Variants in PSME4 observed in about 807,000 individuals in gnomAD.
PSME4 encodes proteasome activator subunit 4, also known as proteasome activator complex subunit 4.
In PSME4, 89 loss-of-function variants were observed where a neutral mutation model predicts 253.9. That is an observed-to-expected ratio of 0.35 (90% confidence interval 0.30 to 0.42). PSME4 has a LOEUF of 0.42. Ranked by LOEUF, PSME4 falls within the 10% of genes least tolerant of loss-of-function variation. The pLI is 1.00. For synonymous variants in PSME4, 851 were observed against 759.2 expected, an observed-to-expected ratio of 1.12 and a Z score of -1.99; for missense variants, 2,014 against 2,195.2, an observed-to-expected ratio of 0.92 and a Z score of 1.65.
intron 7 of PSME4, among the ~76,000 whole-genome samples, chr2:53,935,376 G>A (rs981499149): frequency 4.6e-5 from 7 of 152,086 alleles, no homozygotes; most frequent in Admixed American, 2.6e-4. Context: ...AGCAAACAGA[G>A]CATCTGCATC....
At chr2:53,960,730 C>T (rs900726840) in intron 1 of PSME4, among the ~76,000 whole-genome samples, 2 of 152,192 alleles carry the variant, frequency 1.3e-5, no homozygotes, top group Non-Finnish European at 2.9e-5. Flanking sequence ...GATGCTATAA[C>T]TTAACGGTTC....
chr2:53,947,698 T>C (rs12998060), intron 3 of PSME4, among the ~76,000 whole-genome samples: 2 of 60,952 alleles, frequency 3.3e-5, no homozygotes, highest in Admixed American at 3.0e-4. Flanking sequence ...AGAGCGAGAC[T>C]CCATCTCAAA....
chr2:53,881,298 T>A (rs1191904134), intron 41 of PSME4, among the ~76,000 whole-genome samples: 3 of 152,182 alleles, frequency 2.0e-5, no homozygotes, highest in Non-Finnish European at 4.4e-5. Context: ...TTCTCTAAGT[T>A]TTACATATGC....
At chr2:53,895,220 C>CCTG in intron 33 of PSME4, 144 bp from the exon 34 acceptor site, 1 of 648,850 alleles carries the variant, frequency 1.5e-6, no homozygotes, top group South Asian at 2.2e-5. Flanking sequence ...CAGTCTAGGC[C>CCTG]TTAAAAATCT....
chr2:53,940,937 ATAAATATATAT>A lies in PSME4; in HGVS notation c.501-948_501-938del, dbSNP rs1558413450. 6.6e-3 allele frequency among the ~76,000 whole-genome samples: 318 copies of A among 48,536 alleles called. 32 individuals carry two copies. The highest frequency in any genetic ancestry group is 0.023 in the African/African-American group (306 of 13,380). The allele number at this position is 48,536 out of a possible 152,430, so 31.8% of individuals were successfully genotyped here. ...ATTTAAATATATATATAATACATATATAAATATATATATACATATATATATATATATATATA... is the reference window on the plus strand; with the variant it reads ...ATTTAAATATATATATAATACATATAATACATATATATATATATATATATA... On this transcript the variant is annotated intron_variant, in intron 3 of 46. Transcript: ENST00000404125.
chr2:53,934,050 A>G lies in PSME4; in HGVS notation c.957+555T>C, dbSNP rs185695826. Among the ~76,000 whole-genome samples, 381 of 152,348 alleles carry G rather than the reference A, an allele frequency of 2.5e-3. 6 individuals carry two copies. Among genetic ancestry groups the G allele is most frequent in the Non-Finnish European group, 2.8e-4 (19 of 68,030 alleles). ...ATGAAGAAATAGCTGCAGAAGCAAT[A>G]TATGAATGATAAACTAGATAATTAT... On this transcript the variant is annotated intron_variant, in intron 8 of 46. Coordinates refer to ENST00000404125, the MANE Select transcript of PSME4 (RefSeq NM_014614.3).
chr2:53,866,464 T>G (rs940203515), intron 45 of PSME4, among the ~76,000 whole-genome samples: 1 of 152,168 alleles, frequency 6.6e-6, no homozygotes, highest in Non-Finnish European at 1.5e-5. Context: ...GCTAGAAAAA[T>G]AGAAACATAA....
At chr2:53,868,258 A>C (rs1573178378) in intron 44 of PSME4, among the ~76,000 whole-genome samples, 1 of 151,482 alleles carries the variant, frequency 6.6e-6, no homozygotes, top group Non-Finnish European at 1.5e-5. Flanking sequence ...GGAGTTCAAG[A>C]CCAGCCTGAT....
At chr2:53,959,926 A>T (rs1670405273) in intron 1 of PSME4, among the ~76,000 whole-genome samples, 1 of 152,252 alleles carries the variant, frequency 6.6e-6, no homozygotes, top group South Asian at 2.1e-4. Context: ...GGAAGACGAA[A>T]CATGTAAAAG....
intron 29 of PSME4, among the ~76,000 whole-genome samples, chr2:53,899,443 C>T (rs998127265): frequency 2.0e-5 from 3 of 152,124 alleles, no homozygotes; most frequent in African/African-American, 7.2e-5. Context: ...TACTTCTCAA[C>T]TTTTTTGTAT....
At chr2:53,883,501 C>T (rs555710774) in intron 41 of PSME4, among the ~76,000 whole-genome samples, 1 of 152,160 alleles carries the variant, frequency 6.6e-6, no homozygotes, top group South Asian at 2.1e-4. Flanking sequence ...TGGGGGGGTG[C>T]GGGGTCCATG....
chr2:53,907,138 G>C (rs572978968), intron 24 of PSME4, among the ~76,000 whole-genome samples: 2 of 152,164 alleles, frequency 1.3e-5, no homozygotes, highest in Admixed American at 1.3e-4. Flanking sequence ...GCATGGGAGA[G>C]CAACAGAGTT....
chr2:53,893,017 T>A, intron 35 of PSME4, 57 bp from the exon 36 acceptor site: 1 of 1,502,598 alleles, frequency 6.7e-7, no homozygotes, highest in Non-Finnish European at 9.1e-7. Context: ...CGATTATAAT[T>A]ATGCTTGTAA....
intron 4 of PSME4, among the ~76,000 whole-genome samples, chr2:53,938,301 T>C (rs912983272): frequency 2.0e-5 from 3 of 152,064 alleles, no homozygotes; most frequent in Admixed American, 1.3e-4. Flanking sequence ...CACAGAGTCC[T>C]CCCCTATACG....
Position 53,897,862 on chromosome 2 carries a change from G to C in PSME4, c.3606+8C>G. The C allele has an allele frequency of 6.2e-7, 1 of 1,612,986 alleles. No individual in the cohort carries two copies. Among genetic ancestry groups the C allele is most frequent in the Non-Finnish European group, 8.5e-7 (1 of 1,179,096 alleles). On this transcript the variant is annotated splice_region_variant and intron_variant, in intron 31 of 46. Transcript: ENST00000404125. Reference sequence around the variant, plus strand: ...AACCCAAGACTGTAGCTAAAACAAGGTATGTACCTTTCGAACTACAATTGC... The same window carrying C: ...AACCCAAGACTGTAGCTAAAACAAGCTATGTACCTTTCGAACTACAATTGC...
intron 20 of PSME4, among the ~76,000 whole-genome samples, chr2:53,915,436 T>C (rs923313709): frequency 6.6e-6 from 1 of 150,412 alleles, no homozygotes; most frequent in Non-Finnish European, 1.5e-5. Context: ...CAAGACTCTA[T>C]CTCAAAAAAA....
intron 7 of PSME4, among the ~76,000 whole-genome samples, chr2:53,935,503 A>C (rs1669061198): frequency 6.6e-6 from 1 of 152,204 alleles, no homozygotes; most frequent in Non-Finnish European, 1.5e-5. Context: ...ATAGTACTGA[A>C]GACACACCTG....
intron 20 of PSME4, among the ~76,000 whole-genome samples, chr2:53,918,532 G>A (rs937079806): frequency 2.6e-5 from 4 of 151,928 alleles, no homozygotes; most frequent in South Asian, 4.2e-4. Flanking sequence ...TTGTAGAGAC[G>A]GGTTTGCCAT....
intron 27 of PSME4, among the ~76,000 whole-genome samples, chr2:53,903,102 T>C (rs1198201307): frequency 1.3e-5 from 2 of 152,200 alleles, no homozygotes; most frequent in African/African-American, 4.8e-5. Context: ...TGCCCCTTGG[T>C]CCTCTTCTTA....
Sources: gnomAD v4.1 joint callset for allele counts (sites outside exome capture counted in the v4.1 genomes callset) on GRCh38, gnomAD v4.1.1 for gene constraint, MANE v1.5 for transcripts, NCBI Gene and HGNC (gene_info 2026-07-23, HGNC 2026-07-21) for gene names.